BPTF: variants seen among roughly 807,000 people sequenced by gnomAD.
BPTF encodes the protein bromodomain PHD finger transcription factor, also known as nucleosome-remodeling factor subunit BPTF.
BPTF carries 18 observed loss-of-function variants against 292.5 expected under a neutral mutation model. The ratio of observed to expected loss-of-function variants is 0.06; its 90% CI spans 0.04 to 0.09. The LOEUF (loss-of-function observed/expected upper bound fraction) is 0.09. Ranked by LOEUF, BPTF falls within the 10% of genes least tolerant of loss-of-function variation. BPTF has a pLI of 1.00. For synonymous variants in BPTF, 1,225 were observed against 1,251.9 expected (o/e 0.98, Z 0.45); for missense variants, 2,726 against 3,498.7 (o/e 0.78, Z 5.57).
intron 1 of BPTF, among the ~76,000 whole-genome samples, chr17:67,833,241 C>T (rs1429682298): frequency 6.6e-6 from 1 of 151,364 alleles, no homozygotes. Context: ...TATGGCTATA[C>T]AGCCTTTTTT....
rs376816304 is a variant in BPTF at position 67,911,833 on chromosome 17, G to C, written c.3949G>C (p.Glu1317Gln). The change falls in exon 11 of 28, where the codon GAA becomes CAA. Residue 1317 changes from glutamate (E) to glutamine (Q), a missense_variant. Glu to Gln is a conservative substitution (Grantham distance 29, BLOSUM62 2). Around this residue, in one of 22 missense-constraint regions of BPTF, gnomAD observed 713 missense variants for 714.9 expected, o/e 1.00. Coordinates refer to ENST00000306378, the MANE Select transcript of BPTF (RefSeq NM_182641.4). ...IVQNSNESIS[E>Q]QFRTREQDVE... ...TCAGAATAGCAATGAAAGCATTTCT[G>C]AACAGTTCAGAACTCGAGAACAAGA... The C allele has an allele frequency of 4.3e-6, 7 of 1,614,122 alleles. No individual in the cohort carries two copies. The highest frequency in any genetic ancestry group is 5.9e-6 in the Non-Finnish European group (7 of 1,180,026).
intron 2 of BPTF, among the ~76,000 whole-genome samples, chr17:67,862,413 G>C (rs960182901): frequency 6.6e-6 from 1 of 152,128 alleles, no homozygotes; most frequent in Non-Finnish European, 1.5e-5. Flanking sequence ...TCTAACAACA[G>C]CATCTTCCAG....
chr17:67,974,060 A>G (rs2148576572), intron 26 of BPTF: 1 of 152,274 alleles, frequency 6.6e-6, no homozygotes, highest in South Asian at 2.1e-4. Context: ...TTATTGGTTG[A>G]ACTTCCAAAT....
chr17:67,879,863 A>G (rs751025077), intron 4 of BPTF, among the ~76,000 whole-genome samples: 3 of 152,178 alleles, frequency 2.0e-5, no homozygotes, highest in Non-Finnish European at 4.4e-5. Flanking sequence ...ACCCGAGAGC[A>G]TTAATCTGCT....
intron 2 of BPTF, among the ~76,000 whole-genome samples, chr17:67,855,815 A>C (rs1223792674): frequency 6.6e-6 from 1 of 152,208 alleles, no homozygotes; most frequent in South Asian, 2.1e-4. Flanking sequence ...GATGAAATGA[A>C]TGTCAGAGCA....
chr17:67,932,079 A>G (rs1462267257), intron 18 of BPTF, 60 bp downstream of exon 18: 4 of 1,400,202 alleles, frequency 2.9e-6, no homozygotes, highest in Non-Finnish European at 4.0e-6. Context: ...GAAATACGTA[A>G]TTCTCTGCAT....
At chr17:67,939,566 A>G (rs2065197455) in intron 18 of BPTF, among the ~76,000 whole-genome samples, 1 of 152,182 alleles carries the variant, frequency 6.6e-6, no homozygotes, top group African/African-American at 2.4e-5. Context: ...ATAGACATTT[A>G]TTGAACAATT....
rs1317837327 is a variant in BPTF at position 67,825,907 on chromosome 17, G to C, written c.183G>C (p.Lys61Asn). Residue 61 changes from lysine to asparagine, a missense_variant, in exon 1 of 28, where the codon AAG becomes AAC. By Grantham distance (94) the Lys-to-Asn change is moderately conservative. Around this residue, in one of 22 missense-constraint regions of BPTF, gnomAD observed 103 missense variants for 72.1 expected, o/e 1.43. Transcript: ENST00000306378. ...WAAAQAEVAPKTRLSSPRGGS... is the reference protein window; with the variant it reads ...WAAAQAEVAPNTRLSSPRGGS... ...CCGCCCAGGCTGAGGTGGCGCCCAAGACGCGGCTGAGCTCGCCCAGGGGGG... is the reference window on the plus strand; with the variant it reads ...CCGCCCAGGCTGAGGTGGCGCCCAACACGCGGCTGAGCTCGCCCAGGGGGG... 5 of 1,015,266 alleles carry C rather than the reference G, an allele frequency of 4.9e-6. No individual in the cohort carries two copies. In the South Asian group the frequency reaches 2.2e-4, roughly 45 times the overall value. The allele number at this position is 1,015,266 out of a possible 1,614,324, so 62.9% of individuals were successfully genotyped here.
intron 7 of BPTF, among the ~76,000 whole-genome samples, chr17:67,899,086 G>A (rs1307324707): frequency 2.0e-5 from 3 of 152,070 alleles, no homozygotes; most frequent in African/African-American, 7.2e-5. Flanking sequence ...CACCAAAACT[G>A]TGGCCAAACT....
At chr17:67,895,332 CAAAA>C (rs35234780) in intron 7 of BPTF, among the ~76,000 whole-genome samples, 1,628 of 56,556 alleles carry the variant, frequency 0.029, 19 homozygotes, top group African/African-American at 0.086. Flanking sequence ...GACTTCATCT[CAAAA>C]AAAAAAAAAA....
chr17:67,903,738 T>C, intron 7 of BPTF, 51 bp from the exon 8 acceptor site: 4 of 1,457,812 alleles, frequency 2.7e-6, no homozygotes, highest in Non-Finnish European at 3.6e-6. Flanking sequence ...TTTTTATCTT[T>C]TCTGTTTATT....
At chr17:67,872,052 C>T (rs1383208731) in intron 3 of BPTF, among the ~76,000 whole-genome samples, 1 of 152,152 alleles carries the variant, frequency 6.6e-6, no homozygotes, top group Non-Finnish European at 1.5e-5. Flanking sequence ...TCTCAAACTT[C>T]TAGCCTCAAG....
intron 3 of BPTF, among the ~76,000 whole-genome samples, chr17:67,870,766 CTTTTTTTTTT>C (rs11418428): frequency 0.023 from 2,477 of 106,394 alleles, 84 homozygotes; most frequent in African/African-American, 0.086. Flanking sequence ...TGCTTCATTT[CTTTTTTTTTT>C]TTTTTTTTTT....
At chr17:67,839,005 C>G (rs1419294181) in intron 1 of BPTF, among the ~76,000 whole-genome samples, 1 of 152,022 alleles carries the variant, frequency 6.6e-6, no homozygotes, top group Non-Finnish European at 1.5e-5. Context: ...TAATTTTACT[C>G]TAGGAATAAA....
chr17:67,850,357 C>T (rs553219042), intron 1 of BPTF, among the ~76,000 whole-genome samples: 113 of 152,032 alleles, frequency 7.4e-4, no homozygotes, highest in Non-Finnish European at 1.4e-3. Flanking sequence ...TTTTCTTTTG[C>T]CTCATGGTGT....
chr17:67,982,376 G>GGCTATCCT lies in BPTF; in HGVS notation c.*90_*97dup. 1 of 1,287,220 alleles carries GGCTATCCT rather than the reference G, an allele frequency of 7.8e-7. No homozygotes were observed. Among genetic ancestry groups the GGCTATCCT allele is most frequent in the Non-Finnish European group, 1.1e-6 (1 of 897,968 alleles). 79.7% of individuals were successfully genotyped at this position (1,287,220 alleles called of 1,614,324 possible). On this transcript the variant is annotated 3_prime_UTR_variant, in exon 28 of 28. Transcript: ENST00000306378. ...TTAAGGAGCCAGATGTTTTTAGTCA[G>GGCTATCCT]GCTATCCTGACAAGACTTGACCTAA...
At chr17:67,828,890 A>T (rs2056374683) in intron 1 of BPTF, among the ~76,000 whole-genome samples, 2 of 152,190 alleles carry the variant, frequency 1.3e-5, no homozygotes, top group Non-Finnish European at 2.9e-5. Flanking sequence ...TGAAATTATT[A>T]ACTCCTTAGA....
At chr17:67,903,061 C>T (rs759491182) in intron 7 of BPTF, among the ~76,000 whole-genome samples, 16 of 152,230 alleles carry the variant, frequency 1.1e-4, no homozygotes, top group Non-Finnish European at 2.2e-4. Flanking sequence ...GAGTTGTGGC[C>T]GATGCCTGTG....
At chr17:67,980,126 C>T (rs1332813358) in intron 27 of BPTF, among the ~76,000 whole-genome samples, 3 of 152,024 alleles carry the variant, frequency 2.0e-5, no homozygotes, top group Non-Finnish European at 2.9e-5. Flanking sequence ...GGGTGAATCA[C>T]TTGAGGTCAG....
Sources: gnomAD v4.1 joint callset for allele counts (sites outside exome capture counted in the v4.1 genomes callset) on GRCh38, gnomAD v4.1.1 for gene constraint, gnomAD v4.1.1 regional missense constraint, MANE v1.5 for transcripts, NCBI Gene and HGNC (gene_info 2026-07-23, HGNC 2026-07-21) for gene names.